Variants in IQCE observed in about 807,000 individuals in gnomAD.
IQCE encodes IQ domain-containing protein E.
A neutral mutation model predicts 96.0 loss-of-function variants in IQCE; 115 were observed. The observed-to-expected ratio is 1.20, with a 90% confidence interval of 1.03 to 1.40. The LOEUF (loss-of-function observed/expected upper bound fraction) is 1.40, where lower values mean the gene tolerates loss of function less well. Ranked by LOEUF, IQCE falls within the 40% of genes most tolerant of loss-of-function variation. The pLI, the probability that IQCE is intolerant of heterozygous loss-of-function variation, is 0.00. For missense variants in IQCE, 1,041 were observed against 909.1 expected, an observed-to-expected ratio of 1.15 and a Z score of -1.87; for synonymous variants, 412 against 371.2, an observed-to-expected ratio of 1.11 and a Z score of -1.26.
chr7:2,574,157 TGCC>T (rs1781956162), intron 6 of IQCE, among the ~76,000 whole-genome samples: 1 of 152,224 alleles, frequency 6.6e-6, no homozygotes, highest in Non-Finnish European at 1.5e-5. Context: ...CGTAAATGTT[TGCC>T]CCTGGAGAAA....
At chr7:2,570,433 C>T (rs942836248) in intron 3 of IQCE, among the ~76,000 whole-genome samples, 10 of 151,316 alleles carry the variant, frequency 6.6e-5, no homozygotes, top group African/African-American at 1.2e-4. Flanking sequence ...TAAATCTTTA[C>T]GTTTTGGAAG....
chr7:2,609,036 G>A (rs1205620161), intron 21 of IQCE, among the ~76,000 whole-genome samples: 1 of 151,984 alleles, frequency 6.6e-6, no homozygotes, highest in South Asian at 2.1e-4. Context: ...TTTTACTTTC[G>A]TCTTTCAAGG....
At chr7:2,561,522 A>G (rs1439658540) in intron 1 of IQCE, among the ~76,000 whole-genome samples, 1 of 150,590 alleles carries the variant, frequency 6.6e-6, no homozygotes, top group Non-Finnish European at 1.5e-5. Context: ...CCGGGTTCAT[A>G]GCATTCTCCT....
At chr7:2,572,141 C>T (rs1394371639) in intron 4 of IQCE, 51 bp from the exon 5 acceptor site, 3 of 1,556,736 alleles carry the variant, frequency 1.9e-6, no homozygotes, top group South Asian at 2.4e-5. Flanking sequence ...CAAAACCTCC[C>T]ATTGTGTGTG....
chr7:2,598,484 C>T lies in IQCE; in HGVS notation c.1460C>T (p.Pro487Leu). ...VPHKAQELPA[P>L]TPSSRHCEQD... ...CTGCAGGCCCAAGAGCTCCCAGCTCCCACTCCCAGCAGCAGGCACTGCGAG... is the reference window on the plus strand; with the variant it reads ...CTGCAGGCCCAAGAGCTCCCAGCTCTCACTCCCAGCAGCAGGCACTGCGAG... The change falls in exon 17 of 22, where the codon CCC (proline) becomes CTC (leucine). Residue 487 changes from proline to leucine, a missense_variant. Transcript: ENST00000402050. 6.3e-7 allele frequency: 1 copy of T among 1,592,210 alleles called. No individual in the cohort carries two copies. The highest frequency in any genetic ancestry group is 1.4e-5 in the African/African-American group (1 of 73,924).
chr7:2,607,217 A>G lies in IQCE; in HGVS notation c.1959A>G (p.Ala653=), dbSNP rs1784902110. 11 of 1,613,710 alleles carry G rather than the reference A, an allele frequency of 6.8e-6. No homozygotes were observed. Among genetic ancestry groups the G allele is most frequent in the Non-Finnish European group, 9.3e-6 (11 of 1,179,828 alleles). The change falls in exon 21 of 22, where the codon GCA becomes GCG. Residue 653 remains alanine, a synonymous_variant. Coordinates refer to ENST00000402050, the MANE Select transcript of IQCE (RefSeq NM_152558.5). ...HGDASSPPFL[A]ALPDPSPSGP... ...ACGCCTCCTCCCCACCCTTCCTCGC[A>G]GCTCTTCCTGGTAATTTCATTCATT...
intron 2 of IQCE, among the ~76,000 whole-genome samples, 197 bp from the exon 3 acceptor site, chr7:2,568,757 C>T (rs1163198153): frequency 1.3e-5 from 2 of 152,160 alleles, no homozygotes. Context: ...CAGCCCTGAG[C>T]ACTGACGTGA....
At chr7:2,580,749 G>A (rs1014567636) in intron 8 of IQCE, among the ~76,000 whole-genome samples, 1 of 152,196 alleles carries the variant, frequency 6.6e-6, no homozygotes, top group Non-Finnish European at 1.5e-5. Context: ...AAGATGCAGA[G>A]GGATGTGTGT....
chr7:2,601,991 T>G (rs11770450), intron 18 of IQCE: 16,716 of 163,726 alleles, frequency 0.1, 1,198 homozygotes, highest in Non-Finnish European at 0.14. Flanking sequence ...CATTCATTCT[T>G]TTCATGCACA....
Position 2,605,954 on chromosome 7 carries a change from A to C in IQCE, c.1822A>C (p.Ile608Leu), listed in dbSNP as rs1784789726. 1 of 1,610,984 alleles carries C rather than the reference A, an allele frequency of 6.2e-7. No homozygotes were observed. Among genetic ancestry groups the C allele is most frequent in the African/African-American group, 1.3e-5 (1 of 74,834 alleles). ...SPVQEEAIVIIQSALRAHLAR... is the reference protein window; with the variant it reads ...SPVQEEAIVILQSALRAHLAR... ...TGTGCAGGAGGAGGCCATCGTCATC[A>C]TCCAGTCCGCTCTGCGGGCACACCT... is the stretch of plus-strand genomic sequence containing the variant. The change falls in exon 20 of 22, where the codon ATC (isoleucine) becomes CTC (leucine). Residue 608 changes from isoleucine (I) to leucine (L), a missense_variant. By Grantham distance (5) the Ile-to-Leu change is conservative. Transcript: ENST00000402050.
At chr7:2,607,029 T>G in intron 20 of IQCE, 95 bp from the exon 21 acceptor site, 2 of 1,166,094 alleles carry the variant, frequency 1.7e-6, no homozygotes, top group Non-Finnish European at 2.4e-6. Flanking sequence ...ATTGGAATAC[T>G]TGCCTCCAAG....
In IQCE at chr7:2,573,413, T is replaced by C. The variant is rs767459523; in HGVS notation, c.395-5T>C. Reference sequence around the variant, plus strand: ...CTTTGAAACGATTTGTTTATGTTTCTCTAGGTCATGTCCCTGGGACTCCTG... The same window carrying C: ...CTTTGAAACGATTTGTTTATGTTTCCCTAGGTCATGTCCCTGGGACTCCTG... On this transcript the variant is annotated splice_region_variant and splice_polypyrimidine_tract_variant and intron_variant, in intron 5 of 21. Transcript: ENST00000402050. The C allele has an allele frequency of 6.5e-6, 9 of 1,381,350 alleles. No homozygotes were observed. The highest frequency in any genetic ancestry group is 1.2e-5 in the South Asian group (1 of 85,020). The allele number at this position is 1,381,350 out of a possible 1,614,324, so 85.6% of individuals were successfully genotyped here. A position where few individuals can be genotyped will look rare whatever the true frequency, so the allele number is the denominator to read the frequency against.
At position 2,582,696 on chromosome 7, in the gene IQCE, C is replaced by A. The variant is rs372089191; in HGVS notation, c.701+46C>A. ...TCTCCCCTGCCTTCCGCCCCGTGTTCTGCTTGCTCAGACGCCCGCCTTTGT... is the reference window on the plus strand; with the variant it reads ...TCTCCCCTGCCTTCCGCCCCGTGTTATGCTTGCTCAGACGCCCGCCTTTGT... On this transcript the variant is annotated intron_variant, in intron 9 of 21. Coordinates refer to ENST00000402050, the MANE Select transcript of IQCE (RefSeq NM_152558.5). 5.6e-5 allele frequency: 87 copies of A among 1,564,496 alleles called. No individual in the cohort carries two copies. The East Asian group carries it at 1.1e-3, about 19-fold the overall frequency.
chr7:2,569,872 T>C (rs1781637504), intron 3 of IQCE, among the ~76,000 whole-genome samples: 1 of 152,232 alleles, frequency 6.6e-6, no homozygotes, highest in African/African-American at 2.4e-5. Context: ...ATGCATGTTA[T>C]ATGTTACAAA....
intron 17 of IQCE, 121 bp downstream of exon 17, chr7:2,598,753 C>A: frequency 2.4e-6 from 2 of 822,568 alleles, no homozygotes; most frequent in Non-Finnish European, 3.4e-6. Context: ...TGTCTGAGCA[C>A]CGTAACATAC....
intron 8 of IQCE, among the ~76,000 whole-genome samples, chr7:2,579,670 G>T (rs945052804): frequency 4.0e-5 from 6 of 151,778 alleles, no homozygotes; most frequent in Admixed American, 2.6e-4. Flanking sequence ...CTTTTGTAAA[G>T]AAAAGGCTCC....
At chr7:2,599,348 AC>A (rs1784279958) in intron 17 of IQCE, among the ~76,000 whole-genome samples, 1 of 151,614 alleles carries the variant, frequency 6.6e-6, no homozygotes, top group Non-Finnish European at 1.5e-5. Flanking sequence ...GGTGCTCACC[AC>A]CACGCCCAGC....
At chr7:2,587,765 G>A in intron 12 of IQCE, 57 bp from the exon 13 acceptor site, 1 of 1,533,716 alleles carries the variant, frequency 6.5e-7, no homozygotes, top group Non-Finnish European at 9.0e-7. Context: ...TGAGAAGGGT[G>A]GCCCTGCTGG....
At chr7:2,567,916 G>A (rs1057182617) in intron 2 of IQCE, among the ~76,000 whole-genome samples, 2 of 152,166 alleles carry the variant, frequency 1.3e-5, no homozygotes, top group Non-Finnish European at 2.9e-5. Context: ...GATGTTCCCC[G>A]GAGGAGGAGG....
Sources: allele counts gnomAD v4.1 joint callset (sites outside exome capture counted in the v4.1 genomes callset), GRCh38; gene constraint gnomAD v4.1.1; transcripts MANE v1.5; gene names NCBI Gene and HGNC (gene_info 2026-07-23, HGNC 2026-07-21).